PRXL2A: variants seen among roughly 807,000 people sequenced by gnomAD.
The protein encoded by PRXL2A is peroxiredoxin like 2A, also known as peroxiredoxin-like 2A.
PRXL2A carries 26 observed loss-of-function variants against 25.6 expected under a neutral mutation model. That is an observed-to-expected ratio of 1.02 (90% CI 0.74 to 1.41). The LOEUF is 1.41. Ranked by LOEUF, PRXL2A falls within the 40% of genes most tolerant of loss-of-function variation. The probability of loss-of-function intolerance (pLI) is 0.00; values close to 1 mark genes in which losing one functional copy is unlikely to be tolerated. For missense variants in PRXL2A, 246 were observed against 273.9 expected, an observed-to-expected ratio of 0.90 and a Z score of 0.72; for synonymous variants, 98 against 102.9, an observed-to-expected ratio of 0.95 and a Z score of 0.29.
At chr10:80,429,592 G>GCCCTT (rs1190896168) in intron 5 of PRXL2A, among the ~76,000 whole-genome samples, 9 of 79,090 alleles carry the variant, frequency 1.1e-4, no homozygotes, top group Non-Finnish European at 1.9e-4. Flanking sequence ...AGCCTCTCCT[G>GCCCTT]CCCTGCCCTG....
chr10:80,422,347 GT>G, intron 2 of PRXL2A, 69 bp from the exon 3 acceptor site: 1 of 1,287,454 alleles, frequency 7.8e-7, no homozygotes, highest in Non-Finnish European at 1.1e-6. Flanking sequence ...ACTTAGTGTG[GT>G]TCATGAGCTG....
chr10:80,422,269 G>A, intron 2 of PRXL2A, 148 bp from the exon 3 acceptor site: 1 of 576,972 alleles, frequency 1.7e-6, no homozygotes, highest in Non-Finnish European at 3.1e-6. Flanking sequence ...TGTTTCCTGT[G>A]TGTCTTTTCC....
Position 80,433,554 on chromosome 10 carries a change from TCG to T in PRXL2A, c.*1456_*1457del, listed in dbSNP as rs1286734441. 7 of 152,242 alleles carry T rather than the reference TCG, an allele frequency of 4.6e-5. No homozygotes were observed. Among genetic ancestry groups the T allele is most frequent in the Admixed American group, 3.3e-4 (5 of 15,268 alleles). The allele number at this position is 152,242 out of a possible 1,614,324, so 9.4% of individuals were successfully genotyped here. The stretch of plus-strand genomic sequence containing the variant: ...GTAAAGCTGGGAAAGTAGGAGAGCA[TCG>T]GGATTGAGTATGCAGAGTGAGTTAG... On this transcript the variant is annotated 3_prime_UTR_variant, in exon 6 of 6. Transcript: ENST00000606162.
intron 5 of PRXL2A, among the ~76,000 whole-genome samples, chr10:80,428,516 A>C (rs1049751646): frequency 1.3e-5 from 2 of 152,222 alleles, no homozygotes; most frequent in Non-Finnish European, 2.9e-5. Context: ...AAAAGCTTAA[A>C]AAATTAGCCG....
At chr10:80,411,264 C>T (rs917406997) in intron 1 of PRXL2A, among the ~76,000 whole-genome samples, 1 of 152,222 alleles carries the variant, frequency 6.6e-6, no homozygotes, top group Non-Finnish European at 1.5e-5. Context: ...CAATGAGACC[C>T]TTAAGACATT....
At chr10:80,422,920 A>G (rs1363817499) in intron 3 of PRXL2A, among the ~76,000 whole-genome samples, 1 of 152,166 alleles carries the variant, frequency 6.6e-6, no homozygotes, top group East Asian at 1.9e-4. Flanking sequence ...TGTCGGAGGA[A>G]ACACTTCAAG....
At chr10:80,424,080 T>G (rs146573560) in intron 3 of PRXL2A, among the ~76,000 whole-genome samples, 75 of 152,304 alleles carry the variant, frequency 4.9e-4, no homozygotes, top group African/African-American at 1.7e-3. Flanking sequence ...CTCTCCCTAA[T>G]TATAACCTGT....
chr10:80,432,135 A>T lies in PRXL2A; in HGVS notation c.*36A>T. 1 of 1,287,304 alleles carries T rather than the reference A, an allele frequency of 7.8e-7. No homozygotes were observed. The highest frequency in any genetic ancestry group is 1.5e-5 in the African/African-American group (1 of 67,184). The allele number at this position is 1,287,304 out of a possible 1,614,324, so 79.7% of individuals were successfully genotyped here. Reference sequence around the variant, plus strand: ...CTGCCCAGCTCAGGGATAACCAGGGACATTCACCTGTGTTCATGGGATGTA... The same window carrying T: ...CTGCCCAGCTCAGGGATAACCAGGGTCATTCACCTGTGTTCATGGGATGTA... On this transcript the variant is annotated 3_prime_UTR_variant, in exon 6 of 6. Transcript: ENST00000606162.
chr10:80,426,116 C>A, intron 4 of PRXL2A, 110 bp downstream of exon 4: 1 of 1,390,310 alleles, frequency 7.2e-7, no homozygotes, highest in Non-Finnish European at 1.0e-6. Context: ...CTGGCCTTCC[C>A]TTCAGCTGTC....
intron 3 of PRXL2A, among the ~76,000 whole-genome samples, 161 bp from the exon 4 acceptor site, chr10:80,425,705 G>A (rs1476879668): frequency 6.6e-6 from 1 of 152,162 alleles, no homozygotes; most frequent in Non-Finnish European, 1.5e-5. Context: ...TTTGGGTATG[G>A]CTGCTCCCAA....
intron 3 of PRXL2A, 135 bp downstream of exon 3, chr10:80,422,643 G>T: frequency 6.5e-6 from 3 of 462,502 alleles, no homozygotes; most frequent in South Asian, 6.3e-5. Context: ...TTTGCTCTAG[G>T]TATTTCTTTG....
Position 80,435,285 on chromosome 10 carries a change from CCTTGAGCTTCCCCAGGCAG to C in PRXL2A, c.*3187_*3205del, listed in dbSNP as rs1564698361. On this transcript the variant is annotated 3_prime_UTR_variant, in exon 6 of 6. Transcript: ENST00000606162. ...AACAAATGGTAAATTCTTTTGGCAG[CCTTGAGCTTCCCCAGGCAG>C]GGACCCAAAGGGGCCTGGGTTATCC... is the stretch of plus-strand genomic sequence containing the variant. 6.6e-6 allele frequency: 1 copy of C among 152,170 alleles called. No homozygotes were observed. The highest frequency in any genetic ancestry group is 2.4e-5 in the African/African-American group (1 of 41,434). 9.4% of individuals were successfully genotyped at this position (152,170 alleles called of 1,614,324 possible). A position where few individuals can be genotyped will look rare whatever the true frequency, so the allele number is the denominator to read the frequency against.
chr10:80,419,702 A>G (rs1393160036), intron 1 of PRXL2A, among the ~76,000 whole-genome samples: 1 of 152,190 alleles, frequency 6.6e-6, no homozygotes, highest in Non-Finnish European at 1.5e-5. Flanking sequence ...ACTAAACACC[A>G]GTGTTTAACA....
chr10:80,429,084 A>T (rs1026187506), intron 5 of PRXL2A, among the ~76,000 whole-genome samples: 1 of 151,950 alleles, frequency 6.6e-6, no homozygotes, highest in African/African-American at 2.4e-5. Flanking sequence ...TTGTATTTTC[A>T]GTAGAGACAG....
chr10:80,416,390 T>C (rs2131884254), intron 1 of PRXL2A, among the ~76,000 whole-genome samples: 1 of 152,202 alleles, frequency 6.6e-6, no homozygotes, highest in East Asian at 1.9e-4. Context: ...AGGAGAGAAA[T>C]CTGACAGGTC....
intron 5 of PRXL2A, 88 bp downstream of exon 5, chr10:80,427,584 T>G: frequency 7.0e-7 from 1 of 1,424,172 alleles, no homozygotes; most frequent in African/African-American, 1.4e-5. Context: ...GGGGTTGACT[T>G]TCCCTGTTTT....
At chr10:80,429,529 G>A (rs538801420) in intron 5 of PRXL2A, among the ~76,000 whole-genome samples, 86 of 131,418 alleles carry the variant, frequency 6.5e-4, no homozygotes, top group African/African-American at 2.1e-3. Context: ...TTCCCGGCCC[G>A]GCCCTGCCCT....
At chr10:80,423,660 G>A (rs544770783) in intron 3 of PRXL2A, among the ~76,000 whole-genome samples, 1 of 152,318 alleles carries the variant, frequency 6.6e-6, no homozygotes, top group African/African-American at 2.4e-5. Context: ...CCTCACCATA[G>A]CCCTTGGAAA....
intron 5 of PRXL2A, among the ~76,000 whole-genome samples, chr10:80,430,462 A>C (rs1002633831): frequency 2.0e-5 from 3 of 152,196 alleles, no homozygotes; most frequent in Non-Finnish European, 4.4e-5. Flanking sequence ...GCTGGGCAAC[A>C]TAGCAAAACC....
Sources: allele counts gnomAD v4.1 joint callset (sites outside exome capture counted in the v4.1 genomes callset), GRCh38; gene constraint gnomAD v4.1.1; transcripts MANE v1.5; gene names NCBI Gene and HGNC (gene_info 2026-07-23, HGNC 2026-07-21).